The following PTPRM variants were observed in gnomAD, a reference collection of about 807,000 sequenced individuals.
PTPRM encodes receptor-type tyrosine-protein phosphatase mu.
PTPRM carries 47 observed loss-of-function variants against 186.7 expected under a neutral mutation model. The observed-to-expected ratio is 0.25, with a 90% CI of 0.20 to 0.32. The LOEUF (loss-of-function observed/expected upper bound fraction) is 0.32. PTPRM is among the 10% of genes least tolerant of loss of function. The pLI, the probability that PTPRM is intolerant of heterozygous loss-of-function variation, is 1.00. For missense variants in PTPRM, 1,494 were observed against 1,865.0 expected (o/e 0.80, Z 3.66); for synonymous variants, 668 against 674.9 (o/e 0.99, Z 0.16).
intron 5 of PTPRM, among the ~76,000 whole-genome samples, chr18:7,926,900 CATCTTGCTTGGAAG>C (rs1224819356): frequency 6.6e-6 from 1 of 151,694 alleles, no homozygotes; most frequent in Non-Finnish European, 1.5e-5. Flanking sequence ...TATGCTTAGT[CATCTTGCTTGGAAG>C]ATCTGATTGT....
chr18:7,853,627 A>G (rs2046966535), intron 2 of PTPRM, among the ~76,000 whole-genome samples: 1 of 152,210 alleles, frequency 6.6e-6, no homozygotes, highest in African/African-American at 2.4e-5. Flanking sequence ...TTCTTCTCAA[A>G]CAGTTATTTG....
intron 1 of PTPRM, among the ~76,000 whole-genome samples, chr18:7,612,526 A>C (rs796511677): frequency 2.0e-5 from 3 of 152,242 alleles, no homozygotes; most frequent in African/African-American, 7.2e-5. Context: ...CTTTGATTTT[A>C]TCAGCCTTGG....
intron 20 of PTPRM, among the ~76,000 whole-genome samples, chr18:8,306,851 C>T (rs1172671855): frequency 6.6e-6 from 1 of 152,172 alleles, no homozygotes; most frequent in Non-Finnish European, 1.5e-5. Context: ...GTCTGTGAGG[C>T]ATTTCCTCAT....
chr18:7,770,981 T>C (rs907953919), intron 1 of PTPRM, among the ~76,000 whole-genome samples: 12 of 152,196 alleles, frequency 7.9e-5, no homozygotes, highest in African/African-American at 2.9e-4. Flanking sequence ...GAAAGAACCA[T>C]ATCATACTTT....
chr18:7,673,558 C>A (rs1211954553), intron 1 of PTPRM, among the ~76,000 whole-genome samples: 1 of 151,978 alleles, frequency 6.6e-6, no homozygotes, highest in Non-Finnish European at 1.5e-5. Context: ...TGAGAAACTT[C>A]TACAAAACAA....
Position 8,294,579 on chromosome 18 carries a change from A to G in PTPRM, c.2755-1789A>G, listed in dbSNP as rs969195253. On this transcript the variant is annotated intron_variant, in intron 19 of 32. Transcript: ENST00000580170. ...ATTATGGGAACTACAATTGAAGATG[A>G]GATTTGGGTGGGGACACAGCCAAAC... Among the ~76,000 whole-genome samples the G allele has an allele frequency of 3.3e-5, 5 of 152,306 alleles. No homozygotes were observed. The South Asian group carries it at 1.0e-3, about 32-fold the overall frequency.
At chr18:8,215,175 G>A (rs2094062786) in intron 14 of PTPRM, among the ~76,000 whole-genome samples, 1 of 152,182 alleles carries the variant, frequency 6.6e-6, no homozygotes, top group Admixed American at 6.5e-5. Context: ...TAGGTGACCT[G>A]TGAGAACCCG....
intron 4 of PTPRM, among the ~76,000 whole-genome samples, chr18:7,918,034 A>C (rs1056322106): frequency 6.6e-6 from 1 of 151,972 alleles, no homozygotes; most frequent in African/African-American, 2.4e-5. Flanking sequence ...TTGTGGCTGA[A>C]TAATATTCCA....
rs149004237 is a variant in PTPRM at position 7,668,635 on chromosome 18, A to G, written c.73+100744A>G. ...GTGACCTTCTGTCTCTCTGCCCCTC[A>G]TGCAGCTGCCTCCTGCCAGTGGGGC... On this transcript the variant is annotated intron_variant, in intron 1 of 32. Coordinates refer to ENST00000580170, the MANE Select transcript of PTPRM (RefSeq NM_001105244.2). This position sits in a 1 kb window ranked among gnomAD's most constrained non-coding sequence, Gnocchi z 4.7. Among the ~76,000 whole-genome samples the G allele has an allele frequency of 6.1e-4, 92 of 152,058 alleles. No homozygotes were observed. In the East Asian group the frequency reaches 0.015, roughly 24 times the overall value.
chr18:7,699,017 C>T (rs991689376), intron 1 of PTPRM, among the ~76,000 whole-genome samples: 3 of 152,196 alleles, frequency 2.0e-5, no homozygotes, highest in Non-Finnish European at 2.9e-5. Flanking sequence ...CACATCAGGA[C>T]GTGAGTGGCA....
intron 5 of PTPRM, chr18:7,947,082 A>T: frequency 2.2e-6 from 1 of 450,724 alleles, no homozygotes; most frequent in South Asian, 1.6e-5. Flanking sequence ...AGGATTAGCA[A>T]GCCCATTGTT....
chr18:8,026,648 G>A (rs1054293744), intron 7 of PTPRM, among the ~76,000 whole-genome samples: 10 of 152,172 alleles, frequency 6.6e-5, no homozygotes, highest in Non-Finnish European at 1.2e-4. Context: ...CTTGAGGTCA[G>A]GAGTTCAAGA....
At chr18:7,953,507 G>A (rs2053111708) in intron 6 of PTPRM, among the ~76,000 whole-genome samples, 1 of 152,100 alleles carries the variant, frequency 6.6e-6, no homozygotes, top group Admixed American at 6.5e-5. Context: ...ATAAACAACA[G>A]GAACAATATT....
At chr18:7,861,385 C>A (rs1375722768) in intron 2 of PTPRM, among the ~76,000 whole-genome samples, 1 of 151,990 alleles carries the variant, frequency 6.6e-6, no homozygotes, top group Non-Finnish European at 1.5e-5. Context: ...GTGAGACTAA[C>A]AATTACTCAC....
At chr18:8,254,139 G>T (rs531610613) in intron 19 of PTPRM, among the ~76,000 whole-genome samples, 1 of 152,334 alleles carries the variant, frequency 6.6e-6, no homozygotes, top group South Asian at 2.1e-4. Flanking sequence ...ACTGGCTATT[G>T]TCATGGCAGT....
intron 11 of PTPRM, among the ~76,000 whole-genome samples, chr18:8,108,014 T>C (rs1166208414): frequency 6.6e-6 from 1 of 152,224 alleles, no homozygotes; most frequent in East Asian, 1.9e-4. Context: ...CAGTAAATGC[T>C]GACAGATTTA....
intron 4 of PTPRM, among the ~76,000 whole-genome samples, chr18:7,916,022 G>A (rs994513712): frequency 5.3e-5 from 8 of 152,130 alleles, no homozygotes; most frequent in East Asian, 3.8e-4. Flanking sequence ...AAAACTACAC[G>A]TTTTCACTTA....
At chr18:8,034,959 C>T (rs1251461340) in intron 7 of PTPRM, among the ~76,000 whole-genome samples, 1 of 152,156 alleles carries the variant, frequency 6.6e-6, no homozygotes, top group Non-Finnish European at 1.5e-5. Context: ...TCAAGGATAA[C>T]CCCATTCTTA....
intron 1 of PTPRM, among the ~76,000 whole-genome samples, chr18:7,706,080 T>A (rs956433145): frequency 3.3e-5 from 5 of 150,700 alleles, no homozygotes; most frequent in African/African-American, 1.2e-4. Context: ...GTATGATTTT[T>A]GTTACCTTTT....
Sources: gnomAD v4.1 joint callset for allele counts (sites outside exome capture counted in the v4.1 genomes callset) on GRCh38, gnomAD v4.1.1 for gene constraint, Gnocchi (gnomAD v3.1) non-coding constraint, MANE v1.5 for transcripts, NCBI Gene and HGNC (gene_info 2026-07-23, HGNC 2026-07-21) for gene names.